The following BMPER variants were observed in gnomAD, a reference collection of about 807,000 sequenced individuals.
The protein encoded by BMPER is BMP binding endothelial regulator, also known as BMP-binding endothelial regulator protein.
Under a neutral mutation model 87.3 loss-of-function variants are expected in BMPER, and 45 were observed. The ratio of observed to expected loss-of-function variants is 0.52; its 90% CI spans 0.41 to 0.66. The LOEUF (loss-of-function observed/expected upper bound fraction) is 0.66, where lower values mean the gene tolerates loss of function less well. Among genes scored for constraint, BMPER ranks in the 30% least tolerant of loss-of-function variants. BMPER has a pLI of 0.00. For synonymous variants in BMPER, 326 were observed against 316.2 expected, an observed-to-expected ratio of 1.03 and a Z score of -0.33; for missense variants, 784 against 867.5, an observed-to-expected ratio of 0.90 and a Z score of 1.21.
intron 13 of BMPER, among the ~76,000 whole-genome samples, chr7:34,116,885 G>A (rs1790131125): frequency 6.6e-6 from 1 of 152,080 alleles, no homozygotes; most frequent in Non-Finnish European, 1.5e-5. Flanking sequence ...AGCTACTTGG[G>A]AGGCTGAGGC....
chr7:34,145,512 T>TA (rs1288841493), intron 14 of BMPER, among the ~76,000 whole-genome samples: 3 of 152,214 alleles, frequency 2.0e-5, no homozygotes, highest in Non-Finnish European at 4.4e-5. Flanking sequence ...ACCTCTAACC[T>TA]AATGCATCAG....
At chr7:34,031,883 CATATATATATATATAT>C (rs757962483) in intron 6 of BMPER, among the ~76,000 whole-genome samples, 689 of 53,076 alleles carry the variant, frequency 0.013, 12 homozygotes, top group African/African-American at 0.042. Context: ...TTAATTTGAC[CATATATATATATATAT>C]ATATATATAT....
intron 7 of BMPER, 135 bp downstream of exon 7, chr7:34,046,540 C>A: frequency 1.1e-6 from 1 of 899,874 alleles, no homozygotes; most frequent in Non-Finnish European, 1.8e-6. Context: ...ACTCCCTCTT[C>A]TAATTACAGA....
intron 13 of BMPER, among the ~76,000 whole-genome samples, chr7:34,089,774 G>A (rs10240959): frequency 0.038 from 5,768 of 152,202 alleles, 371 homozygotes; most frequent in African/African-American, 0.13. Flanking sequence ...GTGAGCCACT[G>A]TGCCCACCCT....
intron 3 of BMPER, among the ~76,000 whole-genome samples, chr7:33,954,975 A>G (rs1785115848): frequency 6.6e-6 from 1 of 152,072 alleles, no homozygotes; most frequent in Admixed American, 6.5e-5. Context: ...TTGGCTTACC[A>G]CAACCTCCGC....
intron 2 of BMPER, among the ~76,000 whole-genome samples, chr7:33,911,154 A>G (rs751341621): frequency 3.3e-5 from 5 of 152,196 alleles, no homozygotes; most frequent in South Asian, 2.1e-4. Flanking sequence ...AATCAGATTT[A>G]TTTATTTTTA....
intron 2 of BMPER, among the ~76,000 whole-genome samples, chr7:33,909,199 G>A (rs941566114): frequency 9.9e-5 from 15 of 152,078 alleles, no homozygotes; most frequent in African/African-American, 3.6e-4. Context: ...TTACAGATGA[G>A]GAAACTGAGG....
At chr7:34,059,918 G>A (rs1160974721) in intron 10 of BMPER, among the ~76,000 whole-genome samples, 1 of 152,064 alleles carries the variant, frequency 6.6e-6, no homozygotes, top group Non-Finnish European at 1.5e-5. Flanking sequence ...CTCCCCCAGA[G>A]GCAAAGGAGT....
chr7:33,907,347 C>CA (rs1239051396), intron 2 of BMPER, among the ~76,000 whole-genome samples: 2 of 151,974 alleles, frequency 1.3e-5, no homozygotes, highest in African/African-American at 4.8e-5. Context: ...GTGACAGCCA[C>CA]AAAAAACAAA....
chr7:33,936,762 GAATATTA>G, intron 2 of BMPER, among the ~76,000 whole-genome samples: 1 of 152,068 alleles, frequency 6.6e-6, no homozygotes, highest in Non-Finnish European at 1.5e-5. Flanking sequence ...TTGGCATGTA[GAATATTA>G]TTTTTTCTTT....
At chr7:33,972,511 C>T (rs1364817201) in intron 5 of BMPER, among the ~76,000 whole-genome samples, 2 of 152,138 alleles carry the variant, frequency 1.3e-5, no homozygotes, top group African/African-American at 2.4e-5. Context: ...TATTACAGTG[C>T]TAAGTCCTCA....
At chr7:34,074,235 C>G (rs1287278596) in intron 11 of BMPER, among the ~76,000 whole-genome samples, 1 of 152,244 alleles carries the variant, frequency 6.6e-6, no homozygotes, top group Non-Finnish European at 1.5e-5. Flanking sequence ...CTACTCCTCT[C>G]TTTTCCACCC....
upstream of BMPER, chr7:33,905,222 G>T (rs553388657): frequency 2.9e-4 from 89 of 306,562 alleles, no homozygotes; most frequent in Admixed American, 3.3e-3. Context: ...CCCGGGCGGC[G>T]GCTGAGCGGC....
intron 11 of BMPER, among the ~76,000 whole-genome samples, chr7:34,063,495 GA>G (rs1427779736): frequency 1.3e-5 from 2 of 151,716 alleles, no homozygotes; most frequent in Non-Finnish European, 2.9e-5. Context: ...TTACATATTG[GA>G]AAAAATGCTG....
At chr7:34,013,092 A>T (rs1786925312) in intron 6 of BMPER, among the ~76,000 whole-genome samples, 2 of 151,688 alleles carry the variant, frequency 1.3e-5, no homozygotes, top group Admixed American at 1.3e-4. Context: ...CACGCAGAAC[A>T]TTGTGCTCAA....
intron 11 of BMPER, among the ~76,000 whole-genome samples, chr7:34,071,447 C>G (rs1788735813): frequency 6.6e-6 from 1 of 152,278 alleles, no homozygotes; most frequent in East Asian, 1.9e-4. Flanking sequence ...AATCAGGATT[C>G]AAACACAAGA....
rs1789177342 is a variant in BMPER, at chr7:34,085,620, CA to C, written c.1409-134del. 3 of 831,772 alleles carry C rather than the reference CA, an allele frequency of 3.6e-6. No individual in the cohort carries two copies. The East Asian group carries it at 8.0e-5, about 22-fold the overall frequency. 51.5% of individuals were successfully genotyped at this position (831,772 alleles called of 1,614,324 possible). A position where few individuals can be genotyped will look rare whatever the true frequency, so the allele number is the denominator to read the frequency against. ...CACTATAGTGAGATTAAGAGGTAAC[CA>C]AGAATTTGGACCAACCCTTGGTGCT... On this transcript the variant is annotated intron_variant, in intron 12 of 14. Transcript: ENST00000649409.
At chr7:34,145,338 G>A (rs563575216) in intron 14 of BMPER, among the ~76,000 whole-genome samples, 7 of 152,138 alleles carry the variant, frequency 4.6e-5, no homozygotes, top group Admixed American at 6.5e-5. Flanking sequence ...TTTTGGTTGC[G>A]CCCCCACCTC....
intron 13 of BMPER, among the ~76,000 whole-genome samples, chr7:34,090,195 T>C (rs547638187): frequency 1.3e-5 from 2 of 152,360 alleles, no homozygotes; most frequent in African/African-American, 4.8e-5. Context: ...CTTTAATAAT[T>C]GTTTGCATTA....
Sources: allele counts gnomAD v4.1 joint callset (sites outside exome capture counted in the v4.1 genomes callset), GRCh38; gene constraint gnomAD v4.1.1; transcripts MANE v1.5; gene names NCBI Gene and HGNC (gene_info 2026-07-23, HGNC 2026-07-21).